The following LUZP2 variants were observed in gnomAD, a reference collection of about 807,000 sequenced individuals.
LUZP2 encodes the protein leucine zipper protein 2.
Under a neutral mutation model 51.6 loss-of-function variants are expected in LUZP2, and 52 were observed. The ratio of observed to expected loss-of-function variants is 1.01; its 90% confidence interval spans 0.81 to 1.27. The LOEUF (loss-of-function observed/expected upper bound fraction) is 1.27. Ranked by LOEUF, LUZP2 falls within the 50% of genes most tolerant of loss-of-function variation. The probability of loss-of-function intolerance (pLI) is 0.00; values close to 1 mark genes in which losing one functional copy is unlikely to be tolerated. For synonymous variants in LUZP2, 154 were observed against 137.3 expected (o/e 1.12, Z -0.85); for missense variants, 436 against 395.4 (o/e 1.10, Z -0.87).
intron 1 of LUZP2, among the ~76,000 whole-genome samples, chr11:24,630,961 A>C (rs1305444689): frequency 2.6e-5 from 4 of 151,850 alleles, no homozygotes; most frequent in Non-Finnish European, 5.9e-5. Context: ...AGCTATCGTA[A>C]ATGGAATTGC....
At chr11:24,952,064 T>C (rs1343974247) in intron 7 of LUZP2, among the ~76,000 whole-genome samples, 1 of 151,714 alleles carries the variant, frequency 6.6e-6, no homozygotes, top group Non-Finnish European at 1.5e-5. Flanking sequence ...ATGTATTTAC[T>C]GGCAACTGAG....
At chr11:24,711,273 C>A (rs1050642778) in intron 1 of LUZP2, among the ~76,000 whole-genome samples, 2 of 78,084 alleles carry the variant, frequency 2.6e-5, no homozygotes, top group Non-Finnish European at 5.6e-5. Context: ...CACGGTGAAA[C>A]CCCCGTCTCT....
At chr11:25,026,536 T>G (rs1590851012) in intron 9 of LUZP2, among the ~76,000 whole-genome samples, 1 of 124,042 alleles carries the variant, frequency 8.1e-6, no homozygotes, top group African/African-American at 2.5e-5. Flanking sequence ...TAAAATGTGA[T>G]TATTTTTTTC....
Position 24,678,433 on chromosome 11 carries a change from C to T in LUZP2, c.63-50736C>T, listed in dbSNP as rs560919048. Among the ~76,000 whole-genome samples, 122 of 152,266 alleles carry T rather than the reference C, an allele frequency of 8.0e-4. 1 individual carries two copies. The highest frequency in any genetic ancestry group is 2.9e-3 in the African/African-American group (121 of 41,558). On this transcript the variant is annotated intron_variant, in intron 1 of 11. Transcript: ENST00000336930. The stretch of plus-strand genomic sequence containing the variant: ...CTTGTATAGCATTTCCTTAGTCTCT[C>T]CCTTTTGCTGTATTCCCAGTGTGCT...
At chr11:24,872,629 T>C in intron 5 of LUZP2, among the ~76,000 whole-genome samples, 1 of 152,142 alleles carries the variant, frequency 6.6e-6, no homozygotes, top group East Asian at 1.9e-4. Context: ...TAGAAGCACT[T>C]ATGGATTTTT....
At chr11:24,633,857 T>C (rs1482661357) in intron 1 of LUZP2, among the ~76,000 whole-genome samples, 1 of 151,938 alleles carries the variant, frequency 6.6e-6, no homozygotes, top group Non-Finnish European at 1.5e-5. Flanking sequence ...ATTAATTACA[T>C]TCTTATGCTT....
intron 5 of LUZP2, among the ~76,000 whole-genome samples, chr11:24,883,587 A>G (rs1003491253): frequency 6.6e-6 from 1 of 152,048 alleles, no homozygotes; most frequent in Non-Finnish European, 1.5e-5. Context: ...TAATTTAAGA[A>G]GACATTTCTC....
chr11:25,018,932 T>C (rs1857246485), intron 9 of LUZP2, among the ~76,000 whole-genome samples: 1 of 152,122 alleles, frequency 6.6e-6, no homozygotes, highest in African/African-American at 2.4e-5. Context: ...AATGACTTTA[T>C]TTTTTAGAAC....
chr11:24,922,825 CTTTTTTTTTTTCTTTTTTTTTTTTTT>C (rs1854103799), intron 7 of LUZP2, among the ~76,000 whole-genome samples: 1 of 44,620 alleles, frequency 2.2e-5, no homozygotes, highest in Admixed American at 3.8e-4. Flanking sequence ...ACAGTTATAT[CTTTTTTTTTTTCTTTTTTTTTTTTTT>C]TTTTTTTTTT....
intron 1 of LUZP2, among the ~76,000 whole-genome samples, chr11:24,522,774 C>T (rs977543238): frequency 5.3e-5 from 8 of 151,838 alleles, no homozygotes; most frequent in East Asian, 3.9e-4. Flanking sequence ...TTTGGGGTAT[C>T]GATGATACTC....
chr11:24,986,400 A>G (rs1856187940), intron 9 of LUZP2, among the ~76,000 whole-genome samples: 1 of 151,600 alleles, frequency 6.6e-6, no homozygotes, highest in African/African-American at 2.4e-5. Context: ...ATAGTATACT[A>G]CTGTATATCT....
chr11:24,672,565 T>A (rs1418114761), intron 1 of LUZP2, among the ~76,000 whole-genome samples: 1 of 152,162 alleles, frequency 6.6e-6, no homozygotes, highest in African/African-American at 2.4e-5. Context: ...CCCCACTAGA[T>A]ACCATTAAAA....
intron 7 of LUZP2, among the ~76,000 whole-genome samples, chr11:24,958,282 T>A (rs1855272060): frequency 6.6e-6 from 1 of 152,238 alleles, no homozygotes; most frequent in South Asian, 2.1e-4. Flanking sequence ...ATGGGATGGC[T>A]GGGTCAAATG....
intron 1 of LUZP2, among the ~76,000 whole-genome samples, chr11:24,597,547 G>C (rs1369675783): frequency 6.6e-6 from 1 of 152,148 alleles, no homozygotes; most frequent in Non-Finnish European, 1.5e-5. Context: ...AAAAGAATAA[G>C]ACATGATATG....
intron 5 of LUZP2, among the ~76,000 whole-genome samples, chr11:24,886,932 G>C (rs1852684089): frequency 6.6e-6 from 1 of 152,146 alleles, no homozygotes; most frequent in South Asian, 2.1e-4. Flanking sequence ...AAATGAAGGG[G>C]TGCTGAACAT....
At chr11:24,688,811 A>G in intron 1 of LUZP2, among the ~76,000 whole-genome samples, 1 of 152,046 alleles carries the variant, frequency 6.6e-6, no homozygotes, top group East Asian at 1.9e-4. Context: ...GTGTCATCAT[A>G]CCTCTTGGGT....
At chr11:24,602,225 T>A (rs896460588) in intron 1 of LUZP2, among the ~76,000 whole-genome samples, 1 of 40,286 alleles carries the variant, frequency 2.5e-5, no homozygotes, top group African/African-American at 6.3e-5. Context: ...TGTATATATG[T>A]ACATATATGT....
At chr11:25,070,819 C>A (rs1231141976) in intron 10 of LUZP2, among the ~76,000 whole-genome samples, 2 of 106,798 alleles carry the variant, frequency 1.9e-5, no homozygotes, top group Non-Finnish European at 4.1e-5. Flanking sequence ...GTGTGTGTTA[C>A]TGAAGGCTAA....
At position 24,983,212 on chromosome 11, in the gene LUZP2, A is replaced by G. The variant is rs752486531; in HGVS notation, c.684A>G (p.Leu228=). The G allele has an allele frequency of 1.2e-6, 2 of 1,612,306 alleles. No homozygotes were observed. The highest frequency in any genetic ancestry group is 1.7e-6 in the Non-Finnish European group (2 of 1,178,886). ...FRDQPPPPLS[L]ITSNPTRMLL... ...ATCAGCCTCCTCCCCCTTTGAGTTT[A>G]ATCACATCAAATCCAACTCGGATGT... Residue 228 remains leucine (L), a synonymous_variant, in exon 9 of 12, where the codon TTA becomes TTG. Coordinates refer to ENST00000336930, the MANE Select transcript of LUZP2 (RefSeq NM_001009909.4).
Sources: allele counts gnomAD v4.1 joint callset (sites outside exome capture counted in the v4.1 genomes callset), GRCh38; gene constraint gnomAD v4.1.1; transcripts MANE v1.5; gene names NCBI Gene and HGNC (gene_info 2026-07-23, HGNC 2026-07-21).